The following CELF5 variants were observed in gnomAD, a reference collection of about 807,000 sequenced individuals.
CELF5 encodes the protein CUG-BP and ETR-3 like factor 5.
A neutral mutation model predicts 54.9 loss-of-function variants in CELF5; 6 were observed. The ratio of observed to expected loss-of-function variants is 0.11; its 90% CI spans 0.06 to 0.22. The LOEUF is 0.22. Among genes scored for constraint, CELF5 ranks in the 10% least tolerant of loss-of-function variants. The probability of loss-of-function intolerance (pLI) is 1.00; values close to 1 mark genes in which losing one functional copy is unlikely to be tolerated. For synonymous variants in CELF5, 271 were observed against 290.9 expected, an observed-to-expected ratio of 0.93 and a Z score of 0.70; for missense variants, 401 against 678.6, an observed-to-expected ratio of 0.59 and a Z score of 4.54.
At chr19:3,253,896 T>C (rs2079684067) in intron 2 of CELF5, among the ~76,000 whole-genome samples, 1 of 152,172 alleles carries the variant, frequency 6.6e-6, no homozygotes, top group African/African-American at 2.4e-5. Context: ...TCCTCCCAGC[T>C]AAGCACTTCT....
rs549363870 is a variant in CELF5 at position 3,226,001 on chromosome 19, A to G, written c.259+1003A>G. 1.2e-4 allele frequency among the ~76,000 whole-genome samples: 19 copies of G among 152,042 alleles called. No homozygotes were observed. The East Asian group carries it at 3.5e-3, about 28-fold the overall frequency. On this transcript the variant is annotated intron_variant, in intron 1 of 12. Transcript: ENST00000292672. ...GCATCCCGGGTGGGGGTGTCCGGCA[A>G]TTGTATCCCCAGCCCTTGGTTCCCA...
Position 3,247,716 on chromosome 19 carries a change from CA to C in CELF5, c.260-3267del, listed in dbSNP as rs557223747. Among the ~76,000 whole-genome samples the C allele has an allele frequency of 4.4e-3, 675 of 152,026 alleles. 5 individuals are homozygous for C. Among genetic ancestry groups the C allele is most frequent in the African/African-American group, 0.016 (644 of 41,494 alleles). On this transcript the variant is annotated intron_variant, in intron 1 of 12. Transcript: ENST00000292672. The stretch of plus-strand genomic sequence containing the variant: ...GTACATTGGTAATATATCCCAATTA[CA>C]ATGTTTATTGTGGTGATATATGCAT...
intron 1 of CELF5, among the ~76,000 whole-genome samples, chr19:3,236,385 C>T (rs1243125934): frequency 2.0e-5 from 3 of 152,080 alleles, no homozygotes; most frequent in Non-Finnish European, 4.4e-5. Flanking sequence ...ACTGTGAAGG[C>T]TCAGAGAGGT....
chr19:3,263,504 T>G (rs1209028830), intron 2 of CELF5, among the ~76,000 whole-genome samples: 1 of 152,006 alleles, frequency 6.6e-6, no homozygotes, highest in Non-Finnish European at 1.5e-5. Context: ...GAGGTTGCAG[T>G]GAGCCGAGAT....
Position 3,224,701 on chromosome 19 carries a change from GC to G in CELF5, c.-36del, listed in dbSNP as rs1181037909. On this transcript the variant is annotated 5_prime_UTR_variant, in exon 1 of 13. Coordinates refer to ENST00000292672, the MANE Select transcript of CELF5 (RefSeq NM_021938.4). The stretch of plus-strand genomic sequence containing the variant: ...CGCTCCAGCTGCGAGTCCGCCCGCC[GC>G]CCGCCGCCGCCGCCGCCGGCTCGGT... The G allele has an allele frequency of 9.9e-7, 1 of 1,007,934 alleles. No individual in the cohort carries two copies. Among genetic ancestry groups the G allele is most frequent in the Admixed American group, 6.0e-5 (1 of 16,612 alleles). The allele number at this position is 1,007,934 out of a possible 1,614,324, so 62.4% of individuals were successfully genotyped here.
intron 2 of CELF5, among the ~76,000 whole-genome samples, chr19:3,262,673 G>C (rs776600928): frequency 6.6e-6 from 1 of 152,126 alleles, no homozygotes; most frequent in Non-Finnish European, 1.5e-5. Context: ...CTTAAGGGCC[G>C]GGCGCAGTGG....
At chr19:3,245,857 T>G (rs1203549607) in intron 1 of CELF5, among the ~76,000 whole-genome samples, 2 of 152,168 alleles carry the variant, frequency 1.3e-5, no homozygotes, top group Admixed American at 1.3e-4. Flanking sequence ...GGAAGGTGCA[T>G]TAAAATCTCA....
At chr19:3,227,801 G>A (rs1417879783) in intron 1 of CELF5, among the ~76,000 whole-genome samples, 1 of 152,056 alleles carries the variant, frequency 6.6e-6, no homozygotes, top group East Asian at 1.9e-4. Flanking sequence ...TACCCCCCCT[G>A]CCTTCCTCCC....
chr19:3,232,912 T>C (rs1403086070), intron 1 of CELF5, among the ~76,000 whole-genome samples: 1 of 151,836 alleles, frequency 6.6e-6, no homozygotes, highest in Non-Finnish European at 1.5e-5. Context: ...CCATCTCTGC[T>C]AAAAATACAA....
At chr19:3,266,617 G>A (rs1256673383) in intron 2 of CELF5, among the ~76,000 whole-genome samples, 1 of 152,196 alleles carries the variant, frequency 6.6e-6, no homozygotes, top group Non-Finnish European at 1.5e-5. Context: ...CCTCAAGGGT[G>A]TTCTTTGGTG....
intron 4 of CELF5, 71 bp from the exon 5 acceptor site, chr19:3,277,960 C>G: frequency 8.2e-7 from 1 of 1,215,490 alleles, no homozygotes. Flanking sequence ...TGTGTCCCCT[C>G]TCCTGTGGCC....
chr19:3,264,251 C>A (rs1418251599), intron 2 of CELF5, among the ~76,000 whole-genome samples: 2 of 149,882 alleles, frequency 1.3e-5, no homozygotes, highest in Non-Finnish European at 3.0e-5. Flanking sequence ...TGAAAAAAAA[C>A]AAAATTCTCT....
chr19:3,234,044 T>C (rs1259335751), intron 1 of CELF5, among the ~76,000 whole-genome samples: 1 of 152,152 alleles, frequency 6.6e-6, no homozygotes, highest in African/African-American at 2.4e-5. Flanking sequence ...GTGGGGTCTT[T>C]ATATCCAAGA....
Position 3,278,592 on chromosome 19 carries a change from ATGTG to A in CELF5, c.603+487_603+490del, listed in dbSNP as rs1048635333. On this transcript the variant is annotated intron_variant, in intron 5 of 12. Coordinates refer to ENST00000292672, the MANE Select transcript of CELF5 (RefSeq NM_021938.4). This position sits in a 1 kb window ranked among gnomAD's most constrained non-coding sequence, Gnocchi z 4.5. ...TATGAGAGTGTACATGTGTGTTTCT[ATGTG>A]TGTGAGCGTGTGTGTGAGTATGCCT... Among the ~76,000 whole-genome samples, 2 of 151,614 alleles carry A rather than the reference ATGTG, an allele frequency of 1.3e-5. No individual in the cohort carries two copies. Among genetic ancestry groups the A allele is most frequent in the African/African-American group, 2.4e-5 (1 of 41,236 alleles).
chr19:3,235,956 G>A (rs1436321317), intron 1 of CELF5, among the ~76,000 whole-genome samples: 2 of 152,112 alleles, frequency 1.3e-5, no homozygotes, highest in African/African-American at 4.8e-5. Flanking sequence ...GTAGTGATGG[G>A]GACTGAAGCC....
rs973598011 is a variant in CELF5 at position 3,282,183 on chromosome 19, G to A, written c.808G>A (p.Val270Met). 5.6e-6 allele frequency: 9 copies of A among 1,614,064 alleles called. No individual in the cohort carries two copies. Among genetic ancestry groups the A allele is most frequent in the East Asian group, 2.2e-5 (1 of 44,902 alleles). Residue 270 changes from valine to methionine, a missense_variant, in exon 7 of 13, where the codon GTG (valine) becomes ATG (methionine). Val to Met is a conservative substitution (Grantham distance 21). Transcript: ENST00000292672. This position sits in a 1 kb window ranked among gnomAD's most constrained non-coding sequence, Gnocchi z 5.2. The stretch of plus-strand genomic sequence containing the variant: ...CTCGGGCAGCTACCTGAGTCCCGGC[G>A]TGGCCTTCTCACCCTGTCACATCCA... ...STSGSYLSPG[V>M]AFSPCHIQQI... is the part of the protein sequence containing the mutation.
intron 1 of CELF5, among the ~76,000 whole-genome samples, chr19:3,229,788 C>T (rs1053169610): frequency 1.3e-5 from 2 of 152,040 alleles, no homozygotes; most frequent in Admixed American, 1.3e-4. Flanking sequence ...GATGCACTGA[C>T]GGGGAAAGGT....
intron 1 of CELF5, among the ~76,000 whole-genome samples, chr19:3,232,594 C>T (rs1385199754): frequency 6.6e-6 from 1 of 152,060 alleles, no homozygotes; most frequent in East Asian, 1.9e-4. Flanking sequence ...ATGTAATTAA[C>T]CTGAATAATG....
At chr19:3,235,773 GATGGATGGATGGATGA>G (rs1413550874) in intron 1 of CELF5, among the ~76,000 whole-genome samples, 11 of 145,228 alleles carry the variant, frequency 7.6e-5, no homozygotes, top group African/African-American at 1.8e-4. Context: ...TGGGTGGATA[GATGGATGGATGGATGA>G]ATGGATGGAT....
Sources: allele counts gnomAD v4.1 joint callset (sites outside exome capture counted in the v4.1 genomes callset), GRCh38; gene constraint gnomAD v4.1.1; non-coding constraint Gnocchi (gnomAD v3.1); transcripts MANE v1.5; gene names NCBI Gene and HGNC (gene_info 2026-07-23, HGNC 2026-07-21).